The following TIAM1 variants were observed in gnomAD, a reference collection of about 807,000 sequenced individuals.
TIAM1 encodes the protein TIAM Rac1 associated GEF 1, also known as rho guanine nucleotide exchange factor TIAM1.
TIAM1 carries 65 observed loss-of-function variants against 163.5 expected under a neutral mutation model. The ratio of observed to expected loss-of-function variants is 0.40; its 90% CI spans 0.33 to 0.49. TIAM1 has a LOEUF of 0.49. TIAM1 is among the 20% of genes least tolerant of loss of function. The probability of loss-of-function intolerance (pLI) is 0.77; values close to 1 mark genes in which losing one functional copy is unlikely to be tolerated. For synonymous variants in TIAM1, 833 were observed against 810.1 expected, an observed-to-expected ratio of 1.03 and a Z score of -0.48; for missense variants, 1,789 against 2,044.7, an observed-to-expected ratio of 0.87 and a Z score of 2.41.
intron 25 of TIAM1, among the ~76,000 whole-genome samples, chr21:31,127,412 C>CTTTTTTTTTTTTTTTT (rs199978005): frequency 7.1e-6 from 1 of 140,734 alleles, no homozygotes. Context: ...ATGGACCGAA[C>CTTTTTTTTTTTTTTTT]TTTTTTTTTT....
intron 2 of TIAM1, among the ~76,000 whole-genome samples, chr21:31,412,653 A>C (rs1299378878): frequency 2.0e-5 from 3 of 151,912 alleles, no homozygotes; most frequent in Non-Finnish European, 4.4e-5. Context: ...ATGATAGTGC[A>C]TGCCTGGAAT....
chr21:31,370,559 G>T (rs1021142877), intron 2 of TIAM1, among the ~76,000 whole-genome samples: 4 of 152,254 alleles, frequency 2.6e-5, no homozygotes, highest in Admixed American at 2.0e-4. Flanking sequence ...CTGAAGGTGG[G>T]TGATGAGTAT....
intron 2 of TIAM1, among the ~76,000 whole-genome samples, chr21:31,462,143 G>C (rs1489988816): frequency 1.3e-5 from 2 of 152,130 alleles, no homozygotes; most frequent in Admixed American, 6.5e-5. Context: ...TTAAAATAAA[G>C]GGCCAAATAG....
intron 13 of TIAM1, 80 bp downstream of exon 13, chr21:31,195,143 AT>A: frequency 8.4e-7 from 1 of 1,186,646 alleles, no homozygotes; most frequent in Non-Finnish European, 1.2e-6. Flanking sequence ...ACTCAAAGGC[AT>A]TTTGTTGAAC....
chr21:31,309,614 C>T (rs1489399914), intron 2 of TIAM1, among the ~76,000 whole-genome samples: 1 of 152,106 alleles, frequency 6.6e-6, no homozygotes, highest in Non-Finnish European at 1.5e-5. Flanking sequence ...GTCTGGCTGG[C>T]GTCCTTCTGA....
intron 1 of TIAM1, among the ~76,000 whole-genome samples, chr21:31,520,175 A>G (rs2047532866): frequency 6.6e-6 from 1 of 152,146 alleles, no homozygotes; most frequent in Non-Finnish European, 1.5e-5. Flanking sequence ...TACTAACAAT[A>G]CAAAAATTAG....
intron 20 of TIAM1, among the ~76,000 whole-genome samples, chr21:31,144,089 TCTTGTTATCC>T (rs1202262185): frequency 2.0e-5 from 3 of 152,140 alleles, no homozygotes; most frequent in African/African-American, 7.2e-5. Context: ...AAGACCACAA[TCTTGTTATCC>T]CTTTTAAGCC....
At chr21:31,429,600 T>C (rs1163973462) in intron 2 of TIAM1, among the ~76,000 whole-genome samples, 1 of 151,756 alleles carries the variant, frequency 6.6e-6, no homozygotes, top group Admixed American at 6.6e-5. Context: ...GTGGCAGCCA[T>C]GGGGGAGTTT....
chr21:31,164,201 T>G (rs564291148), intron 16 of TIAM1, among the ~76,000 whole-genome samples: 10 of 152,224 alleles, frequency 6.6e-5, no homozygotes, highest in African/African-American at 2.4e-4. Flanking sequence ...CCATCCTGGC[T>G]AACACGGTGA....
intron 2 of TIAM1, among the ~76,000 whole-genome samples, chr21:31,309,977 A>C (rs967008146): frequency 1.3e-5 from 2 of 152,248 alleles, no homozygotes; most frequent in African/African-American, 2.4e-5. Context: ...TCAAATACCC[A>C]GCTACCAAGT....
chr21:31,400,831 C>T (rs1404099048), intron 2 of TIAM1, among the ~76,000 whole-genome samples: 3 of 152,120 alleles, frequency 2.0e-5, no homozygotes, highest in Admixed American at 2.0e-4. Flanking sequence ...TGGCTCATGC[C>T]TGTAATCCCA....
intron 1 of TIAM1, among the ~76,000 whole-genome samples, chr21:31,505,271 C>T (rs906381725): frequency 6.6e-6 from 1 of 152,114 alleles, no homozygotes; most frequent in African/African-American, 2.4e-5. Context: ...TGATATAACT[C>T]ATGCAAAAAA....
intron 6 of TIAM1, among the ~76,000 whole-genome samples, chr21:31,239,387 C>A (rs1326772424): frequency 1.3e-5 from 2 of 152,128 alleles, no homozygotes; most frequent in South Asian, 2.1e-4. Context: ...GCCTTGGCCC[C>A]CCAAAGTGCT....
At chr21:31,228,259 A>AAAAAAAG (rs1601627154) in intron 6 of TIAM1, among the ~76,000 whole-genome samples, 2 of 82,794 alleles carry the variant, frequency 2.4e-5, no homozygotes, top group Admixed American at 1.4e-4. Flanking sequence ...AAAAAAAAAA[A>AAAAAAAG]GGAAGGAAAA....
At chr21:31,147,084 A>G (rs1485004406) in intron 19 of TIAM1, 81 bp from the exon 20 acceptor site, 7 of 1,185,756 alleles carry the variant, frequency 5.9e-6, no homozygotes, top group South Asian at 1.3e-5. Context: ...GGGAGCTCAC[A>G]TCTGCCTGGC....
chr21:31,364,817 C>T (rs2076472222), intron 2 of TIAM1, among the ~76,000 whole-genome samples: 1 of 152,050 alleles, frequency 6.6e-6, no homozygotes, highest in Non-Finnish European at 1.5e-5. Context: ...GACAGGCCAA[C>T]CACACCATAA....
intron 2 of TIAM1, among the ~76,000 whole-genome samples, chr21:31,387,456 G>T (rs941904652): frequency 1.3e-5 from 2 of 151,592 alleles, no homozygotes; most frequent in Admixed American, 6.6e-5. Flanking sequence ...GAAATGATCT[G>T]CCCACCTTGG....
At chr21:31,389,909 T>G (rs2076940523) in intron 2 of TIAM1, among the ~76,000 whole-genome samples, 1 of 152,182 alleles carries the variant, frequency 6.6e-6, no homozygotes, top group African/African-American at 2.4e-5. Context: ...CCACCACACA[T>G]TATGTCCAAC....
At chr21:31,449,670 G>A (rs904894424) in intron 2 of TIAM1, among the ~76,000 whole-genome samples, 4 of 152,228 alleles carry the variant, frequency 2.6e-5, no homozygotes, top group Middle Eastern at 3.4e-3. Context: ...GAGCCACTGC[G>A]CCTGGTCTGT....
Sources: gnomAD v4.1 joint callset for allele counts (sites outside exome capture counted in the v4.1 genomes callset) on GRCh38, gnomAD v4.1.1 for gene constraint, MANE v1.5 for transcripts, NCBI Gene and HGNC (gene_info 2026-07-23, HGNC 2026-07-21) for gene names.